RARB: variants seen among roughly 807,000 people sequenced by gnomAD.
The protein encoded by RARB is retinoic acid receptor beta.
RARB carries 17 observed loss-of-function variants against 51.9 expected under a neutral mutation model. The ratio of observed to expected loss-of-function variants is 0.33; its 90% CI spans 0.22 to 0.49. RARB has a LOEUF of 0.49. Among genes scored for constraint, RARB ranks in the 20% least tolerant of loss-of-function variants. The pLI is 0.99. For missense variants in RARB, 369 were observed against 550.8 expected (o/e 0.67, Z 3.30); for synonymous variants, 215 against 195.4 (o/e 1.10, Z -0.84).
At chr3:25,550,904 G>T (rs1255185810) in intron 3 of RARB, among the ~76,000 whole-genome samples, 14 of 152,124 alleles carry the variant, frequency 9.2e-5, no homozygotes, top group African/African-American at 2.2e-4. Flanking sequence ...CCATGTCCCT[G>T]CAAAGGACAT....
intron 3 of RARB, among the ~76,000 whole-genome samples, chr3:25,129,954 A>G (rs1000576649): frequency 3.3e-5 from 5 of 152,092 alleles, no homozygotes; most frequent in East Asian, 1.9e-4. Flanking sequence ...TTCCTTCACT[A>G]AAACTGCTTC....
intron 2 of RARB, among the ~76,000 whole-genome samples, chr3:24,966,606 A>ATCTCTCTCTCTCTC (rs55848511): frequency 7.7e-4 from 108 of 140,328 alleles, no homozygotes; most frequent in East Asian, 6.0e-3. Flanking sequence ...GTTTACATTC[A>ATCTCTCTCTCTCTC]TCTCTCTCTC....
intron 5 of RARB, among the ~76,000 whole-genome samples, chr3:25,203,347 C>G (rs1181706241): frequency 6.6e-6 from 1 of 152,164 alleles, no homozygotes; most frequent in Non-Finnish European, 1.5e-5. Context: ...GATGGGTTTC[C>G]TGAATACAGG....
At chr3:25,283,927 C>T (rs187946266) in intron 5 of RARB, among the ~76,000 whole-genome samples, 52 of 152,340 alleles carry the variant, frequency 3.4e-4, no homozygotes, top group African/African-American at 1.1e-3. Context: ...TCCCTTTGTA[C>T]ACATGGAGTG....
intron 2 of RARB, among the ~76,000 whole-genome samples, chr3:25,050,650 C>T (rs558718514): frequency 1.3e-5 from 2 of 152,082 alleles, no homozygotes; most frequent in Non-Finnish European, 2.9e-5. Flanking sequence ...TTCCAAATTC[C>T]TTGTTACACT....
intron 4 of RARB, among the ~76,000 whole-genome samples, chr3:25,152,896 A>G (rs777693664): frequency 1.3e-4 from 20 of 152,326 alleles, no homozygotes; most frequent in Admixed American, 2.6e-4. Flanking sequence ...TGCTTCCAAG[A>G]AAATCTAAAA....
chr3:25,541,576 C>T (rs1699381932), intron 3 of RARB, among the ~76,000 whole-genome samples: 2 of 152,172 alleles, frequency 1.3e-5, no homozygotes, highest in African/African-American at 4.8e-5. Flanking sequence ...TCAAACTTTA[C>T]AAGTGAAAAA....
intron 3 of RARB, among the ~76,000 whole-genome samples, chr3:25,552,416 C>A (rs77233893): frequency 0.041 from 6,249 of 151,980 alleles, 160 homozygotes; most frequent in Non-Finnish European, 0.062. Flanking sequence ...GGGAGGGCGG[C>A]CAATTCTTGC....
At chr3:24,860,217 C>A (rs1380975060) in intron 2 of RARB, among the ~76,000 whole-genome samples, 1 of 152,136 alleles carries the variant, frequency 6.6e-6, no homozygotes, top group African/African-American at 2.4e-5. Flanking sequence ...GGAGCAGTGG[C>A]AAATATTGAA....
intron 2 of RARB, among the ~76,000 whole-genome samples, chr3:24,866,300 A>C (rs1174148811): frequency 6.6e-6 from 1 of 152,092 alleles, no homozygotes; most frequent in Non-Finnish European, 1.5e-5. Flanking sequence ...TACCTTGTCC[A>C]GTCCTCAAGC....
intron 5 of RARB, among the ~76,000 whole-genome samples, chr3:25,255,683 C>T (rs948121171): frequency 2.0e-5 from 3 of 151,964 alleles, no homozygotes; most frequent in Admixed American, 6.6e-5. Context: ...AGAGACTTTG[C>T]GTTATATTAG....
At chr3:25,522,277 A>G (rs1434000587) in intron 3 of RARB, among the ~76,000 whole-genome samples, 2 of 152,138 alleles carry the variant, frequency 1.3e-5, no homozygotes, top group East Asian at 1.9e-4. Context: ...TGTACTTTCT[A>G]TGTCCCTTGC....
chr3:25,587,437 T>A (rs1701436449), intron 5 of RARB, among the ~76,000 whole-genome samples: 1 of 152,256 alleles, frequency 6.6e-6, no homozygotes, highest in African/African-American at 2.4e-5. Context: ...ATGATTTTTT[T>A]GTATTGATTA....
At chr3:25,128,442 T>C (rs1048190023) in intron 3 of RARB, among the ~76,000 whole-genome samples, 2 of 148,734 alleles carry the variant, frequency 1.3e-5, no homozygotes, top group Non-Finnish European at 1.5e-5. Context: ...ATTATTCATA[T>C]AATTTATATA....
chr3:24,879,724 T>A (rs958984381), intron 2 of RARB, among the ~76,000 whole-genome samples: 1 of 152,164 alleles, frequency 6.6e-6, no homozygotes, highest in Non-Finnish European at 1.5e-5. Context: ...TGGCAGAAGT[T>A]AACTTAAATA....
chr3:24,853,499 C>T (rs1034747431), intron 1 of RARB, among the ~76,000 whole-genome samples: 6 of 152,250 alleles, frequency 3.9e-5, no homozygotes, highest in African/African-American at 1.4e-4. Context: ...AGAGAAGACT[C>T]TGGTTTTCAG....
At chr3:24,888,470 G>A (rs1703306364) in intron 2 of RARB, among the ~76,000 whole-genome samples, 1 of 151,746 alleles carries the variant, frequency 6.6e-6, no homozygotes, top group African/African-American at 2.4e-5. Flanking sequence ...CAACTGATGA[G>A]TTATAGCTTT....
chr3:25,345,808 G>T, intron 5 of RARB: 1 of 521,038 alleles, frequency 1.9e-6, no homozygotes, highest in Non-Finnish European at 2.5e-6. Flanking sequence ...TGCATGAAAT[G>T]AACTGTATCA....
intron 1 of RARB, among the ~76,000 whole-genome samples, chr3:25,455,336 A>G (rs929473070): frequency 5.3e-5 from 8 of 152,202 alleles, no homozygotes; most frequent in African/African-American, 1.9e-4. Context: ...GGGAAAGACT[A>G]AGAAATGGTG....
Sources: gnomAD v4.1 joint callset for allele counts (sites outside exome capture counted in the v4.1 genomes callset) on GRCh38, gnomAD v4.1.1 for gene constraint, MANE v1.5 for transcripts, NCBI Gene and HGNC (gene_info 2026-07-23, HGNC 2026-07-21) for gene names.